Variants in CLEC4C observed in about 807,000 individuals in gnomAD.
CLEC4C encodes the protein C-type (calcium dependent, carbohydrate-recognition domain) lectin, superfamily member 11.
A neutral mutation model predicts 27.7 loss-of-function variants in CLEC4C; 17 were observed. The observed-to-expected ratio is 0.61, with a 90% CI of 0.42 to 0.92. CLEC4C has a LOEUF of 0.92. Among genes scored for constraint, CLEC4C ranks in the 40% least tolerant of loss-of-function variants. The pLI is 0.00. For synonymous variants in CLEC4C, 80 were observed against 80.8 expected (o/e 0.99, Z 0.06); for missense variants, 244 against 257.3 (o/e 0.95, Z 0.35).
chr12:7,739,039 C>A (rs1864793240), intron 3 of CLEC4C, among the ~76,000 whole-genome samples: 1 of 150,596 alleles, frequency 6.6e-6, no homozygotes, highest in South Asian at 2.1e-4. Flanking sequence ...CGATTCCCAC[C>A]AGTAGTTTTG....
rs56318901 is a variant in CLEC4C, at chr12:7,743,032, T to A, written c.125-1501A>T. ...AGTTTACATACGTATATATCTTGAT[T>A]TCCCCCTACAATAACATACAGTCTA... On this transcript the variant is annotated intron_variant, in intron 2 of 5. Transcript: ENST00000360345. Among the ~76,000 whole-genome samples, 189 of 152,058 alleles carry A rather than the reference T, an allele frequency of 1.2e-3. 3 individuals are homozygous for A. The highest frequency in any genetic ancestry group is 4.3e-3 in the African/African-American group (178 of 41,502).
intron 4 of CLEC4C, among the ~76,000 whole-genome samples, chr12:7,731,943 G>A (rs767788168): frequency 6.6e-6 from 1 of 152,182 alleles, no homozygotes; most frequent in Non-Finnish European, 1.5e-5. Context: ...GACAGAATGA[G>A]ACTCTGTGTC....
At chr12:7,737,911 A>G (rs1864765490) in intron 3 of CLEC4C, among the ~76,000 whole-genome samples, 1 of 152,212 alleles carries the variant, frequency 6.6e-6, no homozygotes, top group African/African-American at 2.4e-5. Flanking sequence ...GAGTATGGCA[A>G]TAAAATGCCA....
intron 2 of CLEC4C, among the ~76,000 whole-genome samples, chr12:7,742,237 G>T (rs1864872249): frequency 6.6e-6 from 1 of 151,968 alleles, no homozygotes; most frequent in South Asian, 2.1e-4. Flanking sequence ...TTACGGCTGG[G>T]CATGGTGGCT....
intron 4 of CLEC4C, among the ~76,000 whole-genome samples, chr12:7,732,024 G>A (rs889393612): frequency 6.6e-6 from 1 of 151,932 alleles, no homozygotes; most frequent in African/African-American, 2.4e-5. Flanking sequence ...AATGCTTCAG[G>A]TCACTTTTTT....
At chr12:7,739,513 C>T (rs1864805818) in intron 3 of CLEC4C, among the ~76,000 whole-genome samples, 1 of 152,064 alleles carries the variant, frequency 6.6e-6, no homozygotes, top group African/African-American at 2.4e-5. Context: ...ACTTGTCTCC[C>T]TCCGGCTCTG....
Position 7,737,724 on chromosome 12 carries a change from C to G in CLEC4C, c.236-150G>C, listed in dbSNP as rs1407251714. 3 of 701,370 alleles carry G rather than the reference C, an allele frequency of 4.3e-6. No homozygotes were observed. In the Admixed American group the frequency reaches 8.8e-5, roughly 21 times the overall value. The allele number at this position is 701,370 out of a possible 1,614,324, so 43.4% of individuals were successfully genotyped here. ...CTGAACTCATTTACTGGTGTATTTA[C>G]TAATCCCTAGATCATTTCACTCTAT... On this transcript the variant is annotated intron_variant, in intron 3 of 5. Transcript: ENST00000360345.
In CLEC4C at chr12:7,738,351, A is replaced by G. The variant is rs116627867; in HGVS notation, c.236-777T>C. On this transcript the variant is annotated intron_variant, in intron 3 of 5. Coordinates refer to ENST00000360345, the MANE Select transcript of CLEC4C (RefSeq NM_001371390.1). Reference sequence around the variant, plus strand: ...AAACACTTAAGAGCAGTACGTGCTGAAAAATATCCATCTCTCCTCCTTCGA... The same window carrying G: ...AAACACTTAAGAGCAGTACGTGCTGGAAAATATCCATCTCTCCTCCTTCGA... 2.9e-3 allele frequency among the ~76,000 whole-genome samples: 438 copies of G among 152,282 alleles called. 5 individuals carry two copies. The highest frequency in any genetic ancestry group is 0.01 in the African/African-American group (422 of 41,556).
At chr12:7,738,092 A>C (rs924814186) in intron 3 of CLEC4C, among the ~76,000 whole-genome samples, 2 of 152,194 alleles carry the variant, frequency 1.3e-5, no homozygotes, top group Admixed American at 1.3e-4. Flanking sequence ...TAAGCTTCGC[A>C]ATGTTATATT....
intron 4 of CLEC4C, among the ~76,000 whole-genome samples, 153 bp from the exon 5 acceptor site, chr12:7,731,065 G>A (rs1052320984): frequency 2.6e-5 from 4 of 152,038 alleles, no homozygotes; most frequent in African/African-American, 7.2e-5. Context: ...AGAAAGAGCA[G>A]ACAGCAAAAC....
chr12:7,738,347 G>A (rs139928914), intron 3 of CLEC4C, among the ~76,000 whole-genome samples: 73 of 152,258 alleles, frequency 4.8e-4, no homozygotes, highest in African/African-American at 1.6e-3. Context: ...AGCAGTACGT[G>A]CTGAAAAATA....
Position 7,733,557 on chromosome 12 carries a change from C to T in CLEC4C, c.382-2645G>A, listed in dbSNP as rs759154191. On this transcript the variant is annotated intron_variant, in intron 4 of 5. Coordinates refer to ENST00000360345, the MANE Select transcript of CLEC4C (RefSeq NM_001371390.1). Reference sequence around the variant, plus strand: ...AGTGCAGTGGCGAGATCTTGGCTCACTGCAAGCTCCGCCTCCTGGGTTCAC... The same window carrying T: ...AGTGCAGTGGCGAGATCTTGGCTCATTGCAAGCTCCGCCTCCTGGGTTCAC... Among the ~76,000 whole-genome samples the T allele has an allele frequency of 3.8e-4, 57 of 149,924 alleles. 1 individual carries two copies. Among genetic ancestry groups the T allele is most frequent in the African/African-American group, 1.2e-3 (48 of 40,488 alleles).
At chr12:7,747,244 A>G (rs1366564985) in intron 1 of CLEC4C, 74 bp downstream of exon 1, 2 of 1,310,040 alleles carry the variant, frequency 1.5e-6, no homozygotes, top group Middle Eastern at 1.8e-4. Context: ...AGTCATCCCT[A>G]TCACCTCAAT....
intron 4 of CLEC4C, among the ~76,000 whole-genome samples, chr12:7,736,381 T>C (rs1864726410): frequency 1.3e-5 from 2 of 151,710 alleles, no homozygotes; most frequent in Non-Finnish European, 2.9e-5. Context: ...AAGAGAAAAA[T>C]AGATGGAAAA....
chr12:7,746,223 A>AG lies in CLEC4C; in HGVS notation c.124+107_124+108insC, dbSNP rs1258311067. ...AGCGAGATTCCGTCTCAAAAAAAAAAAAAAAAAAAAGAAAAAAAAAGAAAG... is the reference window on the plus strand; with the variant it reads ...AGCGAGATTCCGTCTCAAAAAAAAAAGAAAAAAAAAAGAAAAAAAAAGAAAG... On this transcript the variant is annotated intron_variant, in intron 2 of 5. Coordinates refer to ENST00000360345, the MANE Select transcript of CLEC4C (RefSeq NM_001371390.1). The AG allele has an allele frequency of 3.0e-5, 20 of 676,296 alleles. No individual in the cohort carries two copies. In the African/African-American group the frequency reaches 3.1e-4, roughly 10 times the overall value. 41.9% of individuals were successfully genotyped at this position (676,296 alleles called of 1,614,324 possible). A position where few individuals can be genotyped will look rare whatever the true frequency, so the allele number is the denominator to read the frequency against.
At chr12:7,736,635 G>A (rs1249985156) in intron 4 of CLEC4C, among the ~76,000 whole-genome samples, 4 of 152,142 alleles carry the variant, frequency 2.6e-5, no homozygotes, top group South Asian at 2.1e-4. Context: ...TTAGCCAGAC[G>A]TGGTGGCTCA....
At chr12:7,746,609 G>T (rs1864988915) in intron 1 of CLEC4C, among the ~76,000 whole-genome samples, 186 bp from the exon 2 acceptor site, 1 of 152,160 alleles carries the variant, frequency 6.6e-6, no homozygotes, top group Non-Finnish European at 1.5e-5. Flanking sequence ...ATAGTACCCT[G>T]GAACCCAAGA....
At chr12:7,747,209 A>G in intron 1 of CLEC4C, 109 bp downstream of exon 1, 1 of 923,022 alleles carries the variant, frequency 1.1e-6, no homozygotes, top group Non-Finnish European at 1.8e-6. Context: ...ATTATTTATG[A>G]AAAGCTGTCT....
intron 2 of CLEC4C, among the ~76,000 whole-genome samples, chr12:7,743,628 C>T (rs1864910496): frequency 6.6e-6 from 1 of 152,076 alleles, no homozygotes; most frequent in Non-Finnish European, 1.5e-5. Flanking sequence ...ATCCGTCCGC[C>T]TCGGCCTCCC....
Sources: allele counts gnomAD v4.1 joint callset (sites outside exome capture counted in the v4.1 genomes callset), GRCh38; gene constraint gnomAD v4.1.1; transcripts MANE v1.5; gene names NCBI Gene and HGNC (gene_info 2026-07-23, HGNC 2026-07-21).